SIGLEC5: variants seen among roughly 807,000 people sequenced by gnomAD.
SIGLEC5 encodes the protein sialic acid-binding Ig-like lectin 5.
In SIGLEC5, 34 loss-of-function variants were observed where a neutral mutation model predicts 45.9. The ratio of observed to expected loss-of-function variants is 0.74; its 90% CI spans 0.56 to 0.99. SIGLEC5 has a LOEUF of 0.99. Ranked by LOEUF, SIGLEC5 falls within the 50% of genes least tolerant of loss-of-function variation. The probability of loss-of-function intolerance (pLI) is 0.00; values close to 1 mark genes in which losing one functional copy is unlikely to be tolerated. For missense variants in SIGLEC5, 508 were observed against 629.6 expected, an observed-to-expected ratio of 0.81 and a Z score of 2.07; for synonymous variants, 203 against 258.6, an observed-to-expected ratio of 0.79 and a Z score of 2.06.
intron 4 of SIGLEC5, among the ~76,000 whole-genome samples, chr19:51,628,405 A>G (rs1425946164): frequency 1.3e-5 from 2 of 152,172 alleles, no homozygotes; most frequent in Non-Finnish European, 2.9e-5. Flanking sequence ...AAGACTGAGG[A>G]TGCAGGAGTG....
intron 8 of SIGLEC5, among the ~76,000 whole-genome samples, chr19:51,614,336 C>T (rs947851940): frequency 1.3e-5 from 2 of 152,104 alleles, no homozygotes; most frequent in African/African-American, 2.4e-5. Context: ...GGTTTCGCCA[C>T]GTTACCCAGG....
At chr19:51,623,194 A>G (rs532727345) in intron 8 of SIGLEC5, among the ~76,000 whole-genome samples, 1 of 152,346 alleles carries the variant, frequency 6.6e-6, no homozygotes, top group East Asian at 1.9e-4. Context: ...TAAAAATAAA[A>G]GCATAAAACT....
rs977814195 is a variant in SIGLEC5 at position 51,621,645 on chromosome 19, T to C, written c.1464+4387A>G. The C allele has an allele frequency of 2.6e-5, 4 of 152,218 alleles. No homozygotes were observed. In the East Asian group the frequency reaches 7.7e-4, roughly 29 times the overall value. 9.4% of individuals were successfully genotyped at this position (152,218 alleles called of 1,614,324 possible). A position where few individuals can be genotyped will look rare whatever the true frequency, so the allele number is the denominator to read the frequency against. ...CAGTTAAAAATAGGAATATCACTAATTTTTCAGATGGTATCTATATTTCTG... is the reference window on the plus strand; with the variant it reads ...CAGTTAAAAATAGGAATATCACTAACTTTTCAGATGGTATCTATATTTCTG... On this transcript the variant is annotated intron_variant, in intron 8 of 8. Transcript: ENST00000683636.
At chr19:51,623,330 AC>A (rs1208174862) in intron 8 of SIGLEC5, among the ~76,000 whole-genome samples, 1 of 152,200 alleles carries the variant, frequency 6.6e-6, no homozygotes, top group Non-Finnish European at 1.5e-5. Context: ...ACAACTAGGA[AC>A]TTATGTTCAT....
rs148251032 is a variant in SIGLEC5 at position 51,612,628 on chromosome 19, G to A, written c.1465-206C>T. On this transcript the variant is annotated intron_variant, in intron 8 of 8. Transcript: ENST00000683636. ...CCCAAGGTGGTTAATCCAAATGTCT[G>A]CCTTATACAACCATCTCCTTGTGAC... Among the ~76,000 whole-genome samples, 14 of 152,276 alleles carry A rather than the reference G, an allele frequency of 9.2e-5. No individual in the cohort carries two copies. In the East Asian group the frequency reaches 2.7e-3, roughly 29 times the overall value.
chr19:51,626,772 A>C (rs1165939882), intron 7 of SIGLEC5, among the ~76,000 whole-genome samples: 1 of 152,226 alleles, frequency 6.6e-6, no homozygotes, highest in East Asian at 1.9e-4. Context: ...TAACTCTGTC[A>C]ATATACTTAA....
chr19:51,624,072 T>A (rs568429646), intron 8 of SIGLEC5, among the ~76,000 whole-genome samples: 2 of 151,612 alleles, frequency 1.3e-5, no homozygotes, highest in Admixed American at 1.3e-4. Flanking sequence ...GGCAGGAGAG[T>A]TGCTTGAACC....
intron 8 of SIGLEC5, among the ~76,000 whole-genome samples, chr19:51,614,231 C>T (rs1166464719): frequency 3.3e-5 from 5 of 152,172 alleles, no homozygotes; most frequent in African/African-American, 7.2e-5. Context: ...TGCAACCTCC[C>T]GTCCCTGGCT....
At position 51,613,934 on chromosome 19, in the gene SIGLEC5, T is replaced by C. The variant is rs117876581; in HGVS notation, c.1465-1512A>G. On this transcript the variant is annotated intron_variant, in intron 8 of 8. Coordinates refer to ENST00000683636, the MANE Select transcript of SIGLEC5 (RefSeq NM_003830.4). ...TATACCTTCGGCATAGGTTACAAGG[T>C]GTCTTATGTGCAAACCAGAAAAGAG... Among the ~76,000 whole-genome samples, 36 of 152,074 alleles carry C rather than the reference T, an allele frequency of 2.4e-4. No individual in the cohort carries two copies. The East Asian group carries it at 6.2e-3, about 26-fold the overall frequency.
In SIGLEC5 at chr19:51,611,490, G is replaced by A. The variant is rs905303786; in HGVS notation, c.*741C>T. Among the ~76,000 whole-genome samples the A allele has an allele frequency of 2.0e-5, 3 of 152,190 alleles. No individual in the cohort carries two copies. The highest frequency in any genetic ancestry group is 7.2e-5 in the African/African-American group (3 of 41,428). On this transcript the variant is annotated 3_prime_UTR_variant, in exon 9 of 9. Coordinates refer to ENST00000683636, the MANE Select transcript of SIGLEC5 (RefSeq NM_003830.4). ...GAAAGTATAAATGAATAGATAGCAG[G>A]GAGATCATGAAGGACTTTATGTGTC...
At chr19:51,616,762 T>G (rs905768065) in intron 8 of SIGLEC5, among the ~76,000 whole-genome samples, 1 of 151,594 alleles carries the variant, frequency 6.6e-6, no homozygotes, top group Non-Finnish European at 1.5e-5. Flanking sequence ...AATACAAAAA[T>G]TAGCCAGGCG....
Position 51,612,261 on chromosome 19 carries a change from C to T in SIGLEC5, c.1626G>A (p.Thr542=), listed in dbSNP as rs148761753. 15 of 1,609,872 alleles carry T rather than the reference C, an allele frequency of 9.3e-6. No individual in the cohort carries two copies. Among genetic ancestry groups the T allele is most frequent in the South Asian group, 4.4e-5 (4 of 90,746 alleles). The change falls in exon 9 of 9, where the codon ACG becomes ACA. Residue 542 remains threonine, a synonymous_variant. Coordinates refer to ENST00000683636, the MANE Select transcript of SIGLEC5 (RefSeq NM_003830.4). ...TGCTTGTCTTGATCTCCGAGTACTC[C>T]GTGGTGCTTGGGGCCTCCTGGTCCT... ...EPKDQEAPST[T]EYSEIKTSK
In SIGLEC5 at chr19:51,627,739, TG is replaced by T; in HGVS notation, c.1004del (p.Pro335HisfsTer62). 1 of 1,583,464 alleles carries T rather than the reference TG, an allele frequency of 6.3e-7. No homozygotes were observed. The highest frequency in any genetic ancestry group is 1.3e-5 in the African/African-American group (1 of 74,314). Reference protein sequence around the residue: ...IFLNLSVYSLPQLLGPSCSWE... With the variant: ...IFLNLSVYSLXQLLGPSCSWE... ...AGGAGCAGGAGGGGCCCAGCAACTG[TG>T]GGAGGGCTGTGGGGAGGGAGGACAG... On this transcript the variant is annotated frameshift_variant, in exon 6 of 9. Coordinates refer to ENST00000683636, the MANE Select transcript of SIGLEC5 (RefSeq NM_003830.4). LOFTEE classifies it high-confidence loss of function.
intron 8 of SIGLEC5, among the ~76,000 whole-genome samples, chr19:51,624,472 T>C (rs558962383): frequency 6.6e-6 from 1 of 152,266 alleles, no homozygotes; most frequent in South Asian, 2.1e-4. Flanking sequence ...ATTTATCATA[T>C]TATGAACCAA....
At chr19:51,612,530 T>C (rs879800781) in intron 8 of SIGLEC5, 108 bp from the exon 9 acceptor site, 41 of 834,188 alleles carry the variant, frequency 4.9e-5, no homozygotes, top group Non-Finnish European at 7.1e-5. Flanking sequence ...GAATGTAAGT[T>C]GGACTTTCTC....
At chr19:51,612,925 C>A (rs1011686459) in intron 8 of SIGLEC5, among the ~76,000 whole-genome samples, 1 of 152,166 alleles carries the variant, frequency 6.6e-6, no homozygotes, top group African/African-American at 2.4e-5. Context: ...TGAGCACTTG[C>A]GTCCTGGTCA....
chr19:51,612,444 G>C (rs778059632), intron 8 of SIGLEC5, 22 bp from the exon 9 acceptor site: 2 of 1,557,854 alleles, frequency 1.3e-6, no homozygotes, highest in Non-Finnish European at 1.8e-6. Flanking sequence ...GGAAGGAAAG[G>C]TGTCACAGTA....
chr19:51,616,919 CA>C (rs71187696), intron 8 of SIGLEC5, among the ~76,000 whole-genome samples: 13 of 106,554 alleles, frequency 1.2e-4, no homozygotes, highest in Admixed American at 6.5e-4. Context: ...AAAAAAAAAA[CA>C]AAAAAAAAAA....
At chr19:51,627,341 G>A (rs1394665489) in intron 6 of SIGLEC5, 93 bp from the exon 7 acceptor site, 13 of 1,533,318 alleles carry the variant, frequency 8.5e-6, no homozygotes, top group South Asian at 1.2e-5. Flanking sequence ...GCCCTGCTCA[G>A]ACAGGAGATG....
Sources: gnomAD v4.1 joint callset for allele counts (sites outside exome capture counted in the v4.1 genomes callset) on GRCh38, gnomAD v4.1.1 for gene constraint, MANE v1.5 for transcripts, NCBI Gene and HGNC (gene_info 2026-07-23, HGNC 2026-07-21) for gene names.